The following VRK1 variants were observed in gnomAD, a reference collection of about 807,000 sequenced individuals.
The protein encoded by VRK1 is VRK serine/threonine kinase 1.
In VRK1, 33 loss-of-function variants were observed where a neutral mutation model predicts 57.1. The observed-to-expected ratio is 0.58, with a 90% confidence interval of 0.44 to 0.77. The LOEUF (loss-of-function observed/expected upper bound fraction) is 0.77, where lower values mean the gene tolerates loss of function less well. Among genes scored for constraint, VRK1 ranks in the 30% least tolerant of loss-of-function variants. The probability of loss-of-function intolerance (pLI) is 0.00; values close to 1 mark genes in which losing one functional copy is unlikely to be tolerated. For synonymous variants in VRK1, 137 were observed against 147.8 expected (o/e 0.93, Z 0.53); for missense variants, 413 against 477.3 (o/e 0.87, Z 1.25).
chr14:96,853,368 C>T (rs1477859301), intron 7 of VRK1, among the ~76,000 whole-genome samples: 1 of 151,956 alleles, frequency 6.6e-6, no homozygotes, highest in Non-Finnish European at 1.5e-5. Flanking sequence ...GGCTATTTTG[C>T]CCTAAATAAT....
intron 11 of VRK1, among the ~76,000 whole-genome samples, chr14:96,874,307 A>G (rs1888941499): frequency 1.3e-5 from 2 of 152,194 alleles, no homozygotes; most frequent in South Asian, 2.1e-4. Context: ...GTGCACCGGC[A>G]GGAAAGATGT....
At chr14:96,858,294 A>G (rs1014437911) in intron 10 of VRK1, among the ~76,000 whole-genome samples, 10 of 152,006 alleles carry the variant, frequency 6.6e-5, no homozygotes, top group African/African-American at 2.2e-4. Flanking sequence ...TGGTCTCACT[A>G]TATTGCCCAG....
chr14:96,807,660 T>C (rs979372394), intron 1 of VRK1, among the ~76,000 whole-genome samples: 1 of 152,202 alleles, frequency 6.6e-6, no homozygotes, highest in African/African-American at 2.4e-5. Context: ...CATCATACAT[T>C]GAACATAAAG....
intron 11 of VRK1, among the ~76,000 whole-genome samples, chr14:96,865,316 C>T (rs1456034550): frequency 6.6e-6 from 1 of 152,062 alleles, no homozygotes; most frequent in Non-Finnish European, 1.5e-5. Context: ...ACGATCGTGT[C>T]CTTACAGCAT....
chr14:96,865,352 G>A (rs1309884081), intron 11 of VRK1, among the ~76,000 whole-genome samples: 1 of 152,016 alleles, frequency 6.6e-6, no homozygotes. Flanking sequence ...AGGTATTTTA[G>A]TCTCTTTCTA....
At chr14:96,828,144 T>G (rs1042364887) in intron 1 of VRK1, among the ~76,000 whole-genome samples, 2 of 133,302 alleles carry the variant, frequency 1.5e-5, no homozygotes, top group African/African-American at 5.0e-5. Flanking sequence ...CGTCTTACTA[T>G]ATTCATTTTC....
At chr14:96,880,430 T>C (rs1889215886) in intron 12 of VRK1, among the ~76,000 whole-genome samples, 2 of 152,244 alleles carry the variant, frequency 1.3e-5, no homozygotes, top group African/African-American at 2.4e-5. Flanking sequence ...ATGGCCCTGC[T>C]TCTTTCACCA....
At chr14:96,829,461 GT>G (rs1886924753) in intron 1 of VRK1, among the ~76,000 whole-genome samples, 1 of 152,040 alleles carries the variant, frequency 6.6e-6, no homozygotes, top group South Asian at 2.1e-4. Context: ...ACAAAGATGT[GT>G]TTCTGTGTAT....
chr14:96,853,039 ACTGCAT>A (rs766287130), intron 6 of VRK1, 29 bp from the exon 7 acceptor site: 4 of 1,608,674 alleles, frequency 2.5e-6, no homozygotes, highest in Non-Finnish European at 3.4e-6. Flanking sequence ...GGTGTTAGGT[ACTGCAT>A]TAACTTATTC....
intron 1 of VRK1, among the ~76,000 whole-genome samples, chr14:96,821,396 G>A (rs1886590943): frequency 6.6e-6 from 1 of 151,992 alleles, no homozygotes; most frequent in Non-Finnish European, 1.5e-5. Context: ...ACTTGGCACT[G>A]CAGACTTGTT....
intron 1 of VRK1, among the ~76,000 whole-genome samples, chr14:96,808,020 T>TCTCTCTCTCTCTCTCC (rs1566683624): frequency 3.1e-5 from 1 of 31,816 alleles, no homozygotes. Context: ...TCTCCCTCTG[T>TCTCTCTCTCTCTCTCC]GTGTGTGTGT....
intron 12 of VRK1, chr14:96,877,460 CT>C: frequency 1.6e-6 from 2 of 1,282,540 alleles, no homozygotes; most frequent in Non-Finnish European, 2.0e-6. Flanking sequence ...TCGCTACTGT[CT>C]TTTTTCCTCC....
intron 12 of VRK1, among the ~76,000 whole-genome samples, chr14:96,878,111 C>CT (rs1453338420): frequency 6.6e-6 from 1 of 152,064 alleles, no homozygotes; most frequent in Non-Finnish European, 1.5e-5. Flanking sequence ...TTACAGTTCA[C>CT]TTTTTTCCCC....
At chr14:96,850,692 T>C (rs975879586) in intron 5 of VRK1, among the ~76,000 whole-genome samples, 2 of 152,228 alleles carry the variant, frequency 1.3e-5, no homozygotes, top group African/African-American at 4.8e-5. Flanking sequence ...AGAGGTTGTA[T>C]TTTTGTTACC....
Position 96,837,776 on chromosome 14 carries a change from T to G in VRK1, c.175T>G (p.Ser59Ala), listed in dbSNP as rs61736727. Reference protein sequence around the residue: ...GCIYLADMNSSESVGSDAPCV... With the variant: ...GCIYLADMNSAESVGSDAPCV... ...TTTTTAAACAGCTGATATGAATTCT[T>G]CAGAGTCAGTTGGCAGTGATGCACC... The change falls in exon 3 of 13, where the codon TCA becomes GCA. Residue 59 changes from serine (S) to alanine (A), a missense_variant. Transcript: ENST00000216639. The G allele has an allele frequency of 1.8e-4, 287 of 1,567,144 alleles. No homozygotes were observed. The African/African-American group carries it at 3.6e-3, about 20-fold the overall frequency.
intron 2 of VRK1, among the ~76,000 whole-genome samples, chr14:96,836,732 T>C (rs1238108717): frequency 6.6e-6 from 1 of 152,036 alleles, no homozygotes; most frequent in Non-Finnish European, 1.5e-5. Flanking sequence ...TTCACCTTGT[T>C]GGCCAGGCTG....
chr14:96,809,832 C>G (rs1266897076), intron 1 of VRK1, among the ~76,000 whole-genome samples: 1 of 152,124 alleles, frequency 6.6e-6, no homozygotes, highest in Non-Finnish European at 1.5e-5. Flanking sequence ...TTCGGCCTCC[C>G]TAAGCGCTGG....
intron 5 of VRK1, 132 bp from the exon 6 acceptor site, chr14:96,852,699 G>A: frequency 1.4e-6 from 1 of 730,368 alleles, no homozygotes; most frequent in Non-Finnish European, 2.4e-6. Flanking sequence ...TGTTTCAAAT[G>A]TTTGTATTTC....
intron 1 of VRK1, among the ~76,000 whole-genome samples, chr14:96,801,122 CTGTT>C (rs1885643919): frequency 6.6e-6 from 1 of 152,162 alleles, no homozygotes; most frequent in Non-Finnish European, 1.5e-5. Context: ...GTCTGTCTGG[CTGTT>C]TGTATGTCGG....
Sources: gnomAD v4.1 joint callset for allele counts (sites outside exome capture counted in the v4.1 genomes callset) on GRCh38, gnomAD v4.1.1 for gene constraint, MANE v1.5 for transcripts, NCBI Gene and HGNC (gene_info 2026-07-23, HGNC 2026-07-21) for gene names.